Variants in MON2 observed in about 807,000 individuals in gnomAD.
The protein encoded by MON2 is protein MON2 homolog.
MON2 carries 84 observed loss-of-function variants against 208.6 expected under a neutral mutation model. The observed-to-expected ratio is 0.40, with a 90% confidence interval of 0.34 to 0.48. MON2 has a LOEUF of 0.48. Ranked by LOEUF, MON2 falls within the 20% of genes least tolerant of loss-of-function variation. MON2 has a pLI of 0.59. For synonymous variants in MON2, 660 were observed against 694.0 expected (o/e 0.95, Z 0.77); for missense variants, 1,611 against 2,015.4 (o/e 0.80, Z 3.84).
intron 26 of MON2, among the ~76,000 whole-genome samples, chr12:62,563,871 C>T (rs2074280826): frequency 6.6e-6 from 1 of 152,036 alleles, no homozygotes; most frequent in Admixed American, 6.6e-5. Context: ...AAACAATTCA[C>T]TTAGAGTAAT....
At chr12:62,552,440 G>A (rs1448302291) in intron 23 of MON2, among the ~76,000 whole-genome samples, 2 of 151,900 alleles carry the variant, frequency 1.3e-5, no homozygotes, top group African/African-American at 4.8e-5. Context: ...TATAAGATAT[G>A]TTTGGAAACA....
chr12:62,474,713 C>T (rs1444335130), intron 1 of MON2, among the ~76,000 whole-genome samples: 1 of 152,300 alleles, frequency 6.6e-6, no homozygotes, highest in African/African-American at 2.4e-5. Flanking sequence ...TGTGAGCCAT[C>T]GCGGCCAGCC....
Position 62,561,022 on chromosome 12 carries a change from A to G in MON2, c.3941A>G (p.Asp1314Gly). 1.9e-6 allele frequency: 3 copies of G among 1,613,584 alleles called. No individual in the cohort carries two copies. Among genetic ancestry groups the G allele is most frequent in the Non-Finnish European group, 2.5e-6 (3 of 1,179,566 alleles). The part of the protein sequence containing the change: ...HSAISVPISS[D>G]ASPFILPSYT... Reference sequence around the variant, plus strand: ...GCTATTTCAGTCCCAATAAGTTCAGATGCATCCCCTTTTATTCTTCCATCT... The same window carrying G: ...GCTATTTCAGTCCCAATAAGTTCAGGTGCATCCCCTTTTATTCTTCCATCT... Residue 1314 changes from aspartate (D) to glycine (G), a missense_variant, in exon 26 of 35, where the codon GAT becomes GGT. Physicochemically the swap from Asp to Gly is moderately conservative, Grantham distance 94. Transcript: ENST00000393630.
At chr12:62,534,529 AAAAAAAAAAAAAAATATATATATATAT>A (rs1565655845) in intron 12 of MON2, among the ~76,000 whole-genome samples, 3 of 28,044 alleles carry the variant, frequency 1.1e-4, no homozygotes, top group African/African-American at 6.0e-4. Flanking sequence ...AAAAAAAAAA[AAAAAAAAAAAAAAATATATATATATAT>A]ATATATATAT....
intron 22 of MON2, among the ~76,000 whole-genome samples, chr12:62,548,857 A>G (rs2073616866): frequency 6.6e-6 from 1 of 152,166 alleles, no homozygotes; most frequent in South Asian, 2.1e-4. Flanking sequence ...TTGAAATTCA[A>G]AATTTACTCT....
chr12:62,597,094 A>G lies in MON2; in HGVS notation c.*4345A>G, dbSNP rs2075542060. Reference sequence around the variant, plus strand: ...TAATTCTTTAGAGGAAAAAATGCATAATTTGAGTGTGGAGTTGATTTTAAT... The same window carrying G: ...TAATTCTTTAGAGGAAAAAATGCATGATTTGAGTGTGGAGTTGATTTTAAT... On this transcript the variant is annotated 3_prime_UTR_variant, in exon 35 of 35. Coordinates refer to ENST00000393630, the MANE Select transcript of MON2 (RefSeq NM_015026.3). 6.6e-6 allele frequency: 1 copy of G among 152,182 alleles called. No homozygotes were observed. The highest frequency in any genetic ancestry group is 6.5e-5 in the Admixed American group (1 of 15,288). The allele number at this position is 152,182 out of a possible 1,614,324, so 9.4% of individuals were successfully genotyped here. A position where few individuals can be genotyped will look rare whatever the true frequency, so the allele number is the denominator to read the frequency against.
intron 24 of MON2, 23 bp from the exon 25 acceptor site, chr12:62,555,971 A>C: frequency 6.5e-7 from 1 of 1,532,246 alleles, no homozygotes; most frequent in South Asian, 1.2e-5. Context: ...TGCATTTTAA[A>C]TGACATTTTA....
intron 24 of MON2, among the ~76,000 whole-genome samples, chr12:62,553,767 C>T (rs1407871487): frequency 6.6e-6 from 1 of 152,050 alleles, no homozygotes; most frequent in Non-Finnish European, 1.5e-5. Context: ...AGTGATCATT[C>T]CCTCTTTGCT....
At chr12:62,568,518 T>C (rs2074469161) in intron 29 of MON2, among the ~76,000 whole-genome samples, 1 of 152,082 alleles carries the variant, frequency 6.6e-6, no homozygotes, top group South Asian at 2.1e-4. Context: ...TTTAAATTTT[T>C]TATAGAGACT....
intron 8 of MON2, among the ~76,000 whole-genome samples, chr12:62,513,872 C>T (rs2071546932): frequency 6.8e-6 from 1 of 146,202 alleles, no homozygotes; most frequent in South Asian, 2.2e-4. Flanking sequence ...ATGGCATGAA[C>T]CCAGGAGGCA....
At chr12:62,502,306 CA>C (rs1156881721) in intron 7 of MON2, among the ~76,000 whole-genome samples, 4 of 151,472 alleles carry the variant, frequency 2.6e-5, no homozygotes. Flanking sequence ...GAGACTGAGG[CA>C]GGAGAATCGC....
At chr12:62,517,083 TG>T (rs1218212522) in intron 8 of MON2, among the ~76,000 whole-genome samples, 1 of 152,182 alleles carries the variant, frequency 6.6e-6, no homozygotes, top group African/African-American at 2.4e-5. Flanking sequence ...AGAAAGTTTT[TG>T]TTCCTGTCAC....
chr12:62,484,218 A>T lies in MON2; in HGVS notation c.160A>T (p.Thr54Ser), dbSNP rs777221687. The T allele has an allele frequency of 6.2e-7, 1 of 1,600,238 alleles. No homozygotes were observed. The highest frequency in any genetic ancestry group is 1.2e-5 in the South Asian group (1 of 86,750). ...AGTTAAAACAATTGCTGCACGAAAC[A>T]CTGAAATTTTGGCAGGTAATTTTTT... ...IKVKTIAARN[T>S]EILAALKENS... Residue 54 changes from threonine (T) to serine (S), a missense_variant, in exon 2 of 35, where the codon ACT (threonine) becomes TCT (serine). Physicochemically the swap from Thr to Ser is moderately conservative, Grantham distance 58. Transcript: ENST00000393630.
chr12:62,549,775 G>T lies in MON2; in HGVS notation c.2861G>T (p.Ser954Ile). ...CLQIVVDVAGSFGLHNQELNI... is the reference protein window; with the variant it reads ...CLQIVVDVAGIFGLHNQELNI... ...CAAATAGTTGTAGATGTTGCAGGTA[G>T]CTTTGGCCTCCATAACCAAGAACTC... is the stretch of plus-strand genomic sequence containing the variant. The change falls in exon 23 of 35, where the codon AGC (serine) becomes ATC (isoleucine). Residue 954 changes from serine to isoleucine, a missense_variant. Coordinates refer to ENST00000393630, the MANE Select transcript of MON2 (RefSeq NM_015026.3). The T allele has an allele frequency of 6.2e-7, 1 of 1,612,544 alleles. No individual in the cohort carries two copies. The highest frequency in any genetic ancestry group is 1.1e-5 in the South Asian group (1 of 90,736).
Position 62,532,553 on chromosome 12 carries a change from G to A in MON2, c.1516G>A (p.Glu506Lys). The A allele has an allele frequency of 6.2e-7, 1 of 1,614,030 alleles. No individual in the cohort carries two copies. The highest frequency in any genetic ancestry group is 8.5e-7 in the Non-Finnish European group (1 of 1,179,932). Reference sequence around the variant, plus strand: ...TGGAATCACAAGTATGATTGAAGGAGAGCTAGGAGAGCTTGAAACAGAATG... The same window carrying A: ...TGGAATCACAAGTATGATTGAAGGAAAGCTAGGAGAGCTTGAAACAGAATG... ...VRGITSMIEG[E>K]LGELETECQT... Residue 506 changes from glutamate (E) to lysine (K), a missense_variant, in exon 12 of 35, where the codon GAG becomes AAG. Physicochemically the swap from Glu to Lys is moderately conservative, Grantham distance 56. Coordinates refer to ENST00000393630, the MANE Select transcript of MON2 (RefSeq NM_015026.3).
chr12:62,484,281 T>C (rs2069626758), intron 2 of MON2, 48 bp downstream of exon 2: 1 of 1,179,426 alleles, frequency 8.5e-7, no homozygotes, highest in African/African-American at 1.6e-5. Flanking sequence ...ATTTGACTAA[T>C]AGTAAAAGTA....
intron 2 of MON2, among the ~76,000 whole-genome samples, chr12:62,491,179 G>C (rs536258708): frequency 6.6e-6 from 1 of 152,086 alleles, no homozygotes; most frequent in East Asian, 1.9e-4. Context: ...AAAACTTTCC[G>C]TTAACATCTT....
At chr12:62,558,967 G>A (rs2074099438) in intron 25 of MON2, among the ~76,000 whole-genome samples, 1 of 152,016 alleles carries the variant, frequency 6.6e-6, no homozygotes. Flanking sequence ...CAAAGTGCAG[G>A]GATTACAGAT....
chr12:62,559,338 A>T (rs1221796333), intron 25 of MON2, among the ~76,000 whole-genome samples: 1 of 152,242 alleles, frequency 6.6e-6, no homozygotes, highest in East Asian at 1.9e-4. Flanking sequence ...TGTTATTAAC[A>T]AAGCCAGTAG....
Sources: allele counts gnomAD v4.1 joint callset (sites outside exome capture counted in the v4.1 genomes callset), GRCh38; gene constraint gnomAD v4.1.1; transcripts MANE v1.5; gene names NCBI Gene and HGNC (gene_info 2026-07-23, HGNC 2026-07-21).